CCND3: variants seen among roughly 807,000 people sequenced by gnomAD.
CCND3 encodes the protein cyclin D3.
In CCND3, 9 loss-of-function variants were observed where a neutral mutation model predicts 28.7. The observed-to-expected ratio is 0.31, with a 90% confidence interval of 0.19 to 0.55. CCND3 has a LOEUF of 0.55. Among genes scored for constraint, CCND3 ranks in the 20% least tolerant of loss-of-function variants. The probability of loss-of-function intolerance (pLI) is 0.93; values close to 1 mark genes in which losing one functional copy is unlikely to be tolerated. For synonymous variants in CCND3, 164 were observed against 163.9 expected (o/e 1.00, Z 0.00); for missense variants, 315 against 385.8 (o/e 0.82, Z 1.54).
chr6:42,039,546 C>G (rs573571444), intron 1 of CCND3, among the ~76,000 whole-genome samples: 1 of 152,328 alleles, frequency 6.6e-6, no homozygotes, highest in Admixed American at 6.5e-5. Context: ...TCCAGACTTA[C>G]GCTCTCAGCT....
At chr6:42,037,643 TAAC>T (rs1764258936) in intron 1 of CCND3, among the ~76,000 whole-genome samples, 1 of 152,116 alleles carries the variant, frequency 6.6e-6, no homozygotes, top group Admixed American at 6.6e-5. Context: ...AGAAACAAAA[TAAC>T]AACAGGTATA....
chr6:42,036,147 C>T (rs1408311893), intron 1 of CCND3, among the ~76,000 whole-genome samples: 2 of 150,924 alleles, frequency 1.3e-5, no homozygotes, highest in Non-Finnish European at 2.9e-5. Context: ...CATGTGCCAT[C>T]ATGCCCAGCT....
chr6:42,012,143 G>A (rs1196522957), intron 1 of CCND3, among the ~76,000 whole-genome samples: 2 of 152,202 alleles, frequency 1.3e-5, no homozygotes, highest in African/African-American at 2.4e-5. Context: ...GGGGAGACAG[G>A]ACAACTGAAT....
chr6:42,023,829 A>C (rs1661262950), intron 1 of CCND3, among the ~76,000 whole-genome samples: 1 of 152,128 alleles, frequency 6.6e-6, no homozygotes, highest in South Asian at 2.1e-4. Context: ...GTACGTTAAG[A>C]CTGACTCTGA....
At chr6:42,037,955 C>T (rs975955885) in intron 1 of CCND3, among the ~76,000 whole-genome samples, 5 of 150,894 alleles carry the variant, frequency 3.3e-5, no homozygotes, top group East Asian at 2.0e-4. Flanking sequence ...CGCTTGAACC[C>T]GGGAGGCGGA....
At chr6:41,990,109 A>G (rs1350151564) in intron 1 of CCND3, among the ~76,000 whole-genome samples, 2 of 152,246 alleles carry the variant, frequency 1.3e-5, no homozygotes, top group African/African-American at 4.8e-5. Flanking sequence ...AAGTTGCAGG[A>G]TACAAAATCA....
At chr6:41,959,826 C>T (rs1202979359) in intron 1 of CCND3, among the ~76,000 whole-genome samples, 1 of 151,770 alleles carries the variant, frequency 6.6e-6, no homozygotes, top group East Asian at 1.9e-4. Flanking sequence ...CATGGTGGCA[C>T]GTGCCTGTAG....
intron 1 of CCND3, among the ~76,000 whole-genome samples, chr6:41,955,986 T>G (rs898302539): frequency 5.3e-5 from 8 of 152,138 alleles, no homozygotes; most frequent in South Asian, 2.1e-4. Context: ...AATAAAAATT[T>G]TAAATATGTA....
intron 1 of CCND3, among the ~76,000 whole-genome samples, chr6:42,035,852 A>AT (rs1157872545): frequency 6.6e-6 from 1 of 150,936 alleles, no homozygotes; most frequent in Non-Finnish European, 1.5e-5. Flanking sequence ...TAATTTTTGT[A>AT]TTTTTAGTAG....
In CCND3 at chr6:41,941,597, T is replaced by A; in HGVS notation, c.53A>T (p.Asp18Val). 2 of 1,540,116 alleles carry A rather than the reference T, an allele frequency of 1.3e-6. No homozygotes were observed. The highest frequency in any genetic ancestry group is 1.8e-6 in the Non-Finnish European group (2 of 1,141,712). The part of the protein sequence containing the change: ...GTRHAPRAGP[D>V]PRLLGDQRVL... ...ACGCTGGTCCCCCAGCAGCCGCGGGTCCGGCCCGGCCCGGGGCGCGTGCCG... is the reference window on the plus strand; with the variant it reads ...ACGCTGGTCCCCCAGCAGCCGCGGGACCGGCCCGGCCCGGGGCGCGTGCCG... Residue 18 changes from aspartate (D) to valine (V), a missense_variant, in exon 1 of 5, where the codon GAC becomes GTC. By Grantham distance (152) the Asp-to-Val change is radical. Transcript: ENST00000372991. This position sits in a 1 kb window ranked among gnomAD's most constrained non-coding sequence, Gnocchi z 6.1.
At position 41,937,414 on chromosome 6, in the gene CCND3, G is replaced by A. The variant is rs1278794024; in HGVS notation, c.415-20C>T. 6.2e-7 allele frequency: 1 copy of A among 1,613,622 alleles called. No individual in the cohort carries two copies. The highest frequency in any genetic ancestry group is 8.5e-7 in the Non-Finnish European group (1 of 1,179,636). On this transcript the variant is annotated intron_variant, in intron 2 of 4. Coordinates refer to ENST00000372991, the MANE Select transcript of CCND3 (RefSeq NM_001760.5). ...CCAGTCCTGAAAAAGCGGGGAAAGG[G>A]TGGGGTCAGTGGCTGGAGAAGTGAA...
At position 42,045,178 on chromosome 6, in the gene CCND3, A is replaced by AT. The variant is rs1764506014; in HGVS notation, c.-46+3322dup. Among the ~76,000 whole-genome samples the AT allele has an allele frequency of 2.0e-5, 3 of 152,132 alleles. No individual in the cohort carries two copies. In the South Asian group the frequency reaches 6.2e-4, roughly 32 times the overall value. ...ATCCCTCTCCCATACTAGCAGCAGC[A>AT]TTTAAAAAAATCCCTTTATATTTCA... On this transcript the variant is annotated intron_variant, in intron 1 of 4. Transcript: ENST00000372988.
chr6:42,044,379 A>C (rs1378052036), intron 1 of CCND3, among the ~76,000 whole-genome samples: 1 of 152,222 alleles, frequency 6.6e-6, no homozygotes, highest in Non-Finnish European at 1.5e-5. Flanking sequence ...AAGGTGACAC[A>C]CGGGGCAACA....
At chr6:42,041,357 A>G (rs1458252255) in intron 1 of CCND3, among the ~76,000 whole-genome samples, 2 of 152,254 alleles carry the variant, frequency 1.3e-5, no homozygotes, top group African/African-American at 4.8e-5. Flanking sequence ...AATTCAAAGA[A>G]AAGATGGGAG....
intron 1 of CCND3, among the ~76,000 whole-genome samples, chr6:41,956,373 A>C (rs1776436461): frequency 6.6e-6 from 1 of 152,254 alleles, no homozygotes; most frequent in Admixed American, 6.5e-5. Flanking sequence ...GGGCAGAACT[A>C]GGGCCTTTAG....
At chr6:41,992,534 C>T (rs1762682678) in intron 1 of CCND3, among the ~76,000 whole-genome samples, 1 of 145,146 alleles carries the variant, frequency 6.9e-6, no homozygotes, top group Admixed American at 7.1e-5. Flanking sequence ...CTGCAACCTC[C>T]ACCTCCCGGG....
intron 1 of CCND3, among the ~76,000 whole-genome samples, chr6:42,013,609 G>T (rs1051833503): frequency 2.0e-5 from 3 of 152,164 alleles, no homozygotes; most frequent in Admixed American, 6.5e-5. Context: ...AACAAGAGAG[G>T]TTTGAGGTGA....
intron 1 of CCND3, among the ~76,000 whole-genome samples, chr6:41,950,504 C>A (rs1018276624): frequency 6.6e-6 from 1 of 152,084 alleles, no homozygotes; most frequent in African/African-American, 2.4e-5. Context: ...AGGATGGTAA[C>A]AACTCCTATT....
chr6:42,008,227 A>T (rs1235233446), intron 1 of CCND3, among the ~76,000 whole-genome samples: 1 of 152,052 alleles, frequency 6.6e-6, no homozygotes, highest in Non-Finnish European at 1.5e-5. Context: ...CTAAAAATAC[A>T]AAAATTAGCT....
Sources: gnomAD v4.1 joint callset for allele counts (sites outside exome capture counted in the v4.1 genomes callset) on GRCh38, gnomAD v4.1.1 for gene constraint, Gnocchi (gnomAD v3.1) non-coding constraint, MANE v1.5 for transcripts, NCBI Gene and HGNC (gene_info 2026-07-23, HGNC 2026-07-21) for gene names.